Variants in PCDHGB6 observed in about 807,000 individuals in gnomAD.
The protein encoded by PCDHGB6 is protocadherin gamma subfamily B, 6, also known as protocadherin gamma-B6.
Under a neutral mutation model 59.1 loss-of-function variants are expected in PCDHGB6, and 51 were observed. The observed-to-expected ratio is 0.86, with a 90% confidence interval of 0.69 to 1.09. The LOEUF is 1.09. Among genes scored for constraint, PCDHGB6 ranks in the 50% least tolerant of loss-of-function variants. PCDHGB6 has a pLI of 0.00. For synonymous variants in PCDHGB6, 466 were observed against 495.1 expected, an observed-to-expected ratio of 0.94 and a Z score of 0.78; for missense variants, 1,148 against 1,205.1, an observed-to-expected ratio of 0.95 and a Z score of 0.70.
intron 1 of PCDHGB6, among the ~76,000 whole-genome samples, chr5:141,462,382 C>T (rs80320684): frequency 0.016 from 2,433 of 152,148 alleles, 70 homozygotes; most frequent in African/African-American, 0.055. Flanking sequence ...CTTTTAAATT[C>T]GTTAACATTT....
At chr5:141,478,493 G>A in intron 1 of PCDHGB6, 1 of 1,613,176 alleles carries the variant, frequency 6.2e-7, no homozygotes, top group Non-Finnish European at 8.5e-7. Flanking sequence ...GCGGAGCTGT[G>A]ATCCGGTGTT....
At chr5:141,422,167 A>G in intron 1 of PCDHGB6, 1 of 1,562,764 alleles carries the variant, frequency 6.4e-7, no homozygotes, top group Non-Finnish European at 8.6e-7. Context: ...TGAAAAATAT[A>G]GATTCTATGA....
At position 141,408,600 on chromosome 5, in the gene PCDHGB6, T is replaced by C. The variant is rs761951478; in HGVS notation, c.398T>C (p.Phe133Ser). 7 of 1,613,998 alleles carry C rather than the reference T, an allele frequency of 4.3e-6. No individual in the cohort carries two copies. Among genetic ancestry groups the C allele is most frequent in the Non-Finnish European group, 4.2e-6 (5 of 1,179,900 alleles). The change falls in exon 1 of 4, where the codon TTT (phenylalanine) becomes TCT (serine). Residue 133 changes from phenylalanine to serine, a missense_variant. Coordinates refer to ENST00000520790, the MANE Select transcript of PCDHGB6 (RefSeq NM_018926.3). ...IEDVNDHAPQFDKKEIHLEIF... is the reference protein window; with the variant it reads ...IEDVNDHAPQSDKKEIHLEIF... Reference sequence around the variant, plus strand: ...GATGTTAATGACCACGCCCCTCAATTTGATAAAAAGGAAATACATTTAGAA... The same window carrying C: ...GATGTTAATGACCACGCCCCTCAATCTGATAAAAAGGAAATACATTTAGAA...
chr5:141,473,975 G>T (rs188916402), intron 1 of PCDHGB6, among the ~76,000 whole-genome samples: 1 of 152,104 alleles, frequency 6.6e-6, no homozygotes, highest in Non-Finnish European at 1.5e-5. Flanking sequence ...AGTCTGAGGC[G>T]GGAGGATCCC....
Position 141,487,272 on chromosome 5 carries a change from T to C in PCDHGB6, c.2419-7535T>C. 6.2e-7 allele frequency: 1 copy of C among 1,614,148 alleles called. No homozygotes were observed. The highest frequency in any genetic ancestry group is 8.5e-7 in the Non-Finnish European group (1 of 1,180,036). Reference sequence around the variant, plus strand: ...TACTTGGCTGTGTCCCTAGTGGCAATTTGCTTTGTCTCCTTTGGCTCATTC... The same window carrying C: ...TACTTGGCTGTGTCCCTAGTGGCAACTTGCTTTGTCTCCTTTGGCTCATTC... On this transcript the variant is annotated intron_variant, in intron 1 of 3. Coordinates refer to ENST00000520790, the MANE Select transcript of PCDHGB6 (RefSeq NM_018926.3). This position sits in a 1 kb window ranked among gnomAD's most constrained non-coding sequence, Gnocchi z 5.0.
rs955615446 is a variant in PCDHGB6 at position 141,420,343 on chromosome 5, ATTATT to A, written c.2418+9727_2418+9731del. Reference sequence around the variant, plus strand: ...TGCCAATATATTCCAATATAGTGGTATTATTTTAAGATTCTAGATAACTTCTTCAT... The same window carrying A: ...TGCCAATATATTCCAATATAGTGGTATTAAGATTCTAGATAACTTCTTCAT... On this transcript the variant is annotated intron_variant, in intron 1 of 3. Transcript: ENST00000520790. 8 of 1,394,426 alleles carry A rather than the reference ATTATT, an allele frequency of 5.7e-6. No homozygotes were observed. In the African/African-American group the frequency reaches 1.2e-4, roughly 20 times the overall value. 86.4% of individuals were successfully genotyped at this position (1,394,426 alleles called of 1,614,324 possible).
intron 1 of PCDHGB6, chr5:141,421,919 TG>T: frequency 6.2e-7 from 1 of 1,613,642 alleles, no homozygotes; most frequent in Non-Finnish European, 8.5e-7. Flanking sequence ...CCCATTCGTG[TG>T]GTGGTCCTCG....
chr5:141,471,789 TCATATAAAAGA>T (rs777265354), intron 1 of PCDHGB6, among the ~76,000 whole-genome samples: 14 of 152,224 alleles, frequency 9.2e-5, no homozygotes, highest in Non-Finnish European at 1.9e-4. Flanking sequence ...TTATGCTATG[TCATATAAAAGA>T]CATATAAAAG....
At chr5:141,420,457 T>A in intron 1 of PCDHGB6, 1 of 927,890 alleles carries the variant, frequency 1.1e-6, no homozygotes. Flanking sequence ...TTCCTACTAT[T>A]CAAAGACATT....
chr5:141,444,472 C>A (rs559334960), intron 1 of PCDHGB6, among the ~76,000 whole-genome samples: 2 of 151,850 alleles, frequency 1.3e-5, no homozygotes, highest in Non-Finnish European at 2.9e-5. Context: ...CGCCCGGTCG[C>A]GTACTGGATT....
chr5:141,427,915 T>C lies in PCDHGB6; in HGVS notation c.2418+17295T>C, dbSNP rs779333176. ...GGCTCGCCCGCGCTCAGCGCCAACATGAGCCGGCGCATGTTGGTGGGCGAC... is the reference window on the plus strand; with the variant it reads ...GGCTCGCCCGCGCTCAGCGCCAACACGAGCCGGCGCATGTTGGTGGGCGAC... On this transcript the variant is annotated intron_variant, in intron 1 of 3. Transcript: ENST00000520790. The C allele has an allele frequency of 7.0e-6, 11 of 1,578,094 alleles. No individual in the cohort carries two copies. In the Admixed American group the frequency reaches 8.4e-5, roughly 12 times the overall value.
chr5:141,409,155 A>T lies in PCDHGB6; in HGVS notation c.953A>T (p.Glu318Val). ...GAAGATGTAGAAAGGTACACCATGG[A>T]AGTGGAAGCGAAGGACGGAGGTGGT... ...DFEDVERYTMEVEAKDGGGLS... is the reference protein window; with the variant it reads ...DFEDVERYTMVVEAKDGGGLS... The change falls in exon 1 of 4, where the codon GAA becomes GTA. Residue 318 changes from glutamate (E) to valine (V), a missense_variant. Coordinates refer to ENST00000520790, the MANE Select transcript of PCDHGB6 (RefSeq NM_018926.3). The T allele has an allele frequency of 6.2e-7, 1 of 1,614,036 alleles. No individual in the cohort carries two copies. Among genetic ancestry groups the T allele is most frequent in the Non-Finnish European group, 8.5e-7 (1 of 1,179,890 alleles).
chr5:141,440,328 T>G (rs1311315077), intron 1 of PCDHGB6: 1 of 152,102 alleles, frequency 6.6e-6, no homozygotes. Context: ...TTACTGGGCA[T>G]GGTGGTGCAG....
chr5:141,494,950 A>T, intron 2 of PCDHGB6, 85 bp downstream of exon 2: 2 of 1,607,070 alleles, frequency 1.2e-6, no homozygotes, highest in African/African-American at 2.7e-5. Context: ...AGGGCCCAGC[A>T]TTTGCTACAG....
At chr5:141,410,903 G>C (rs191165984) in intron 1 of PCDHGB6, 2 of 276,978 alleles carry the variant, frequency 7.2e-6, no homozygotes, top group South Asian at 4.9e-5. Context: ...GCCTAGGCTG[G>C]AGTGCAGTGG....
intron 1 of PCDHGB6, chr5:141,478,287 G>A (rs777542913): frequency 3.7e-6 from 6 of 1,614,154 alleles, no homozygotes; most frequent in Non-Finnish European, 5.1e-6. Flanking sequence ...AAGCAGTCTA[G>A]AGACCTATAC....
intron 1 of PCDHGB6, among the ~76,000 whole-genome samples, chr5:141,464,885 G>T (rs1592925315): frequency 6.6e-6 from 1 of 152,020 alleles, no homozygotes; most frequent in East Asian, 1.9e-4. Flanking sequence ...ACTACAGATG[G>T]ATGCCACCAT....
At chr5:141,423,980 G>A (rs2154550577) in intron 1 of PCDHGB6, 1 of 1,110,878 alleles carries the variant, frequency 9.0e-7, no homozygotes, top group South Asian at 4.5e-5. Flanking sequence ...AGTGTATGAG[G>A]CTCTCAATTT....
At chr5:141,457,280 A>G (rs964027392) in intron 1 of PCDHGB6, among the ~76,000 whole-genome samples, 2 of 152,196 alleles carry the variant, frequency 1.3e-5, no homozygotes, top group Admixed American at 1.3e-4. Context: ...TGGGCCTACG[A>G]AGTTCCTTGG....
Sources: gnomAD v4.1 joint callset for allele counts (sites outside exome capture counted in the v4.1 genomes callset) on GRCh38, gnomAD v4.1.1 for gene constraint, Gnocchi (gnomAD v3.1) non-coding constraint, MANE v1.5 for transcripts, NCBI Gene and HGNC (gene_info 2026-07-23, HGNC 2026-07-21) for gene names.